The following OPRM1 variants were observed in gnomAD, a reference collection of about 807,000 sequenced individuals.
OPRM1 encodes opioid receptor mu 1, also known as mu-type opioid receptor.
OPRM1 carries 27 observed loss-of-function variants against 31.8 expected under a neutral mutation model. That is an observed-to-expected ratio of 0.85 (90% CI 0.63 to 1.17). OPRM1 has a LOEUF of 1.17. Among genes scored for constraint, OPRM1 ranks in the 50% most tolerant of loss-of-function variants. The probability of loss-of-function intolerance (pLI) is 0.00; values close to 1 mark genes in which losing one functional copy is unlikely to be tolerated. For missense variants in OPRM1, 536 were observed against 511.1 expected (o/e 1.05, Z -0.47); for synonymous variants, 196 against 189.9 (o/e 1.03, Z -0.26).
At chr6:154,217,578 A>C (rs527492988) in intron 3 of OPRM1, 1 of 152,330 alleles carries the variant, frequency 6.6e-6, no homozygotes, top group African/African-American at 2.4e-5. Flanking sequence ...TTGAATTAGA[A>C]AGTGAGGTGA....
chr6:154,181,871 A>C (rs1800907163), intron 3 of OPRM1, among the ~76,000 whole-genome samples: 1 of 152,202 alleles, frequency 6.6e-6, no homozygotes, highest in African/African-American at 2.4e-5. Flanking sequence ...AGAAGGTAAT[A>C]ATCATAAATA....
At chr6:154,067,727 C>G (rs991995979) in intron 1 of OPRM1, among the ~76,000 whole-genome samples, 2 of 151,866 alleles carry the variant, frequency 1.3e-5, no homozygotes, top group Non-Finnish European at 2.9e-5. Flanking sequence ...TCTGATTATT[C>G]TATCCTTTGT....
At chr6:154,036,502 CA>C (rs202008412), upstream of OPRM1, among the ~76,000 whole-genome samples, 41 of 151,878 alleles carry the variant, frequency 2.7e-4, no homozygotes, top group East Asian at 7.9e-3. Flanking sequence ...TTCTATAAAA[CA>C]GAATAAAAAA....
At chr6:154,088,538 T>A (rs185280397) in intron 1 of OPRM1, among the ~76,000 whole-genome samples, 1 of 152,318 alleles carries the variant, frequency 6.6e-6, no homozygotes, top group Non-Finnish European at 1.5e-5. Flanking sequence ...GGTTTTTAAA[T>A]AGGTGTATTT....
At chr6:154,030,611 CA>C (rs1333985211) in intron 1 of OPRM1, among the ~76,000 whole-genome samples, 5 of 150,920 alleles carry the variant, frequency 3.3e-5, no homozygotes, top group South Asian at 2.1e-4. Flanking sequence ...ATTTTTAGTA[CA>C]AAAAAAATTT....
intron 3 of OPRM1, among the ~76,000 whole-genome samples, chr6:154,170,436 C>A (rs1306690011): frequency 1.3e-5 from 2 of 152,156 alleles, no homozygotes; most frequent in African/African-American, 2.4e-5. Flanking sequence ...CGATTAGAAA[C>A]CTTTATGCAA....
chr6:154,226,808 C>T (rs1306952198), intron 3 of OPRM1, among the ~76,000 whole-genome samples: 1 of 152,106 alleles, frequency 6.6e-6, no homozygotes, highest in Non-Finnish European at 1.5e-5. Flanking sequence ...GGATGAAAGA[C>T]CCTTTATAAT....
intron 3 of OPRM1, among the ~76,000 whole-genome samples, chr6:154,193,676 C>T (rs1046459528): frequency 6.6e-6 from 1 of 152,206 alleles, no homozygotes; most frequent in Non-Finnish European, 1.5e-5. Flanking sequence ...CCTCTGATAA[C>T]TTTCCAACCC....
intron 3 of OPRM1, among the ~76,000 whole-genome samples, chr6:154,190,142 A>C: frequency 6.6e-6 from 1 of 152,164 alleles, no homozygotes; most frequent in East Asian, 1.9e-4. Flanking sequence ...AACTCACAAA[A>C]TATAAGACTG....
intron 3 of OPRM1, among the ~76,000 whole-genome samples, chr6:154,110,202 T>A (rs1796189050): frequency 6.6e-6 from 1 of 152,180 alleles, no homozygotes; most frequent in Admixed American, 6.5e-5. Context: ...TTATTTGGGT[T>A]TTCACTTTTG....
Position 154,127,614 on chromosome 6 carries a change from C to A in OPRM1, c.*8893C>A, listed in dbSNP as rs1293751334. Among the ~76,000 whole-genome samples, 1 of 152,168 alleles carries A rather than the reference C, an allele frequency of 6.6e-6. No individual in the cohort carries two copies. Among genetic ancestry groups the A allele is most frequent in the Non-Finnish European group, 1.5e-5 (1 of 68,036 alleles). On this transcript the variant is annotated 3_prime_UTR_variant, in exon 4 of 4. Transcript: ENST00000330432. ...TGACATTGTGGTGGGCCGGCTACAACCCTCCCCACCCCTCGCTTTCACTAA... is the reference window on the plus strand; with the variant it reads ...TGACATTGTGGTGGGCCGGCTACAAACCTCCCCACCCCTCGCTTTCACTAA...
intron 3 of OPRM1, among the ~76,000 whole-genome samples, chr6:154,227,463 A>G (rs1247865474): frequency 1.3e-5 from 2 of 152,150 alleles, no homozygotes; most frequent in African/African-American, 4.8e-5. Context: ...TCACGCCTGT[A>G]ATCCCAACAC....
chr6:154,244,204 C>A (rs1456125181), intron 3 of OPRM1, among the ~76,000 whole-genome samples: 1 of 152,076 alleles, frequency 6.6e-6, no homozygotes, highest in African/African-American at 2.4e-5. Flanking sequence ...GGTGTCCGCA[C>A]AGAGAAGAGG....
intron 3 of OPRM1, among the ~76,000 whole-genome samples, chr6:154,215,960 T>C (rs1778360549): frequency 1.3e-5 from 2 of 152,146 alleles, no homozygotes; most frequent in African/African-American, 4.8e-5. Context: ...AACTTAAAAA[T>C]ATTATTGATT....
At chr6:154,166,232 G>A (rs1799413478) in intron 3 of OPRM1, among the ~76,000 whole-genome samples, 1 of 152,220 alleles carries the variant, frequency 6.6e-6, no homozygotes, top group African/African-American at 2.4e-5. Context: ...CAATGACGAG[G>A]TCACAGAGAC....
chr6:154,051,156 C>G (rs1189238642), intron 1 of OPRM1, among the ~76,000 whole-genome samples: 5 of 152,076 alleles, frequency 3.3e-5, no homozygotes, highest in Non-Finnish European at 5.9e-5. Context: ...TAAGTAATAA[C>G]CATGCTATAG....
chr6:154,244,863 C>G (rs1045500805), intron 3 of OPRM1, among the ~76,000 whole-genome samples: 3 of 152,326 alleles, frequency 2.0e-5, no homozygotes, highest in Middle Eastern at 3.4e-3. Context: ...ACATGCCAAG[C>G]TCCATCAGCG....
chr6:154,193,541 C>T (rs970262522), intron 3 of OPRM1, among the ~76,000 whole-genome samples: 1 of 152,182 alleles, frequency 6.6e-6, no homozygotes, highest in Non-Finnish European at 1.5e-5. Flanking sequence ...CATCTATCTG[C>T]ATATACTTGT....
intron 1 of OPRM1, among the ~76,000 whole-genome samples, chr6:154,012,081 C>T (rs953638469): frequency 5.9e-5 from 9 of 152,076 alleles, no homozygotes; most frequent in African/African-American, 1.9e-4. Context: ...TGAGTATTTA[C>T]AATCATTGTT....
Sources: gnomAD v4.1 joint callset for allele counts (sites outside exome capture counted in the v4.1 genomes callset) on GRCh38, gnomAD v4.1.1 for gene constraint, MANE v1.5 for transcripts, NCBI Gene and HGNC (gene_info 2026-07-23, HGNC 2026-07-21) for gene names.